The following PALM2AKAP2 variants were observed in gnomAD, a reference collection of about 807,000 sequenced individuals.
PALM2AKAP2 encodes PALM2 and AKAP2 fusion.
Under a neutral mutation model 71.5 loss-of-function variants are expected in PALM2AKAP2, and 37 were observed. The ratio of observed to expected loss-of-function variants is 0.52; its 90% CI spans 0.40 to 0.68. The LOEUF (loss-of-function observed/expected upper bound fraction) is 0.68, where lower values mean the gene tolerates loss of function less well. PALM2AKAP2 is among the 30% of genes least tolerant of loss of function. PALM2AKAP2 has a pLI of 0.00. For missense variants in PALM2AKAP2, 1,224 were observed against 1,191.8 expected (o/e 1.03, Z -0.40); for synonymous variants, 468 against 478.8 (o/e 0.98, Z 0.29).
chr9:109,744,139 A>G (rs1206038568), intron 1 of PALM2AKAP2, among the ~76,000 whole-genome samples: 2 of 152,192 alleles, frequency 1.3e-5, no homozygotes, highest in Non-Finnish European at 2.9e-5. Flanking sequence ...GAAGAACTGA[A>G]TAATGATTGG....
At chr9:109,739,359 G>T (rs1324798717) in intron 1 of PALM2AKAP2, among the ~76,000 whole-genome samples, 1 of 152,122 alleles carries the variant, frequency 6.6e-6, no homozygotes, top group African/African-American at 2.4e-5. Flanking sequence ...GCCATCAATT[G>T]TAAAAAGAAA....
chr9:109,862,604 A>G (rs1180299132), intron 1 of PALM2AKAP2, among the ~76,000 whole-genome samples: 1 of 152,194 alleles, frequency 6.6e-6, no homozygotes, highest in Non-Finnish European at 1.5e-5. Context: ...TTGCAAAGAA[A>G]CGAGGTAGCA....
At chr9:109,810,155 A>T (rs1233048219) in intron 1 of PALM2AKAP2, among the ~76,000 whole-genome samples, 7 of 152,188 alleles carry the variant, frequency 4.6e-5, no homozygotes, top group Non-Finnish European at 1.0e-4. Flanking sequence ...TAGCATGCAG[A>T]TAAATTTAGG....
upstream of PALM2AKAP2, among the ~76,000 whole-genome samples, chr9:109,777,458 C>T (rs540306359): frequency 2.0e-5 from 3 of 152,316 alleles, no homozygotes; most frequent in South Asian, 6.2e-4. Flanking sequence ...TCCACTAGAC[C>T]CTGCTTCCCA....
intron 1 of PALM2AKAP2, among the ~76,000 whole-genome samples, chr9:109,641,658 G>C (rs1345742672): frequency 6.6e-6 from 1 of 152,162 alleles, no homozygotes; most frequent in Non-Finnish European, 1.5e-5. Flanking sequence ...GCGACAGCCA[G>C]CCACTCCAAG....
At chr9:110,091,623 C>T (rs375918767) in intron 1 of PALM2AKAP2, among the ~76,000 whole-genome samples, 9 of 150,902 alleles carry the variant, frequency 6.0e-5, no homozygotes, top group African/African-American at 1.7e-4. Flanking sequence ...CCTCCACACC[C>T]GGCTAATTTT....
intron 1 of PALM2AKAP2, among the ~76,000 whole-genome samples, chr9:109,828,620 G>A (rs1347451263): frequency 2.0e-5 from 3 of 151,498 alleles, no homozygotes; most frequent in African/African-American, 4.9e-5. Flanking sequence ...ATTCTATTGG[G>A]GTAGATCTGT....
intron 3 of PALM2AKAP2, among the ~76,000 whole-genome samples, chr9:109,901,024 C>T (rs1314871038): frequency 3.9e-5 from 6 of 152,144 alleles, no homozygotes; most frequent in Admixed American, 3.9e-4. Flanking sequence ...GGGATATGAA[C>T]TGAATGGTTG....
chr9:109,934,687 T>C (rs1831181517), intron 6 of PALM2AKAP2, among the ~76,000 whole-genome samples: 1 of 152,162 alleles, frequency 6.6e-6, no homozygotes, highest in Admixed American at 6.5e-5. Flanking sequence ...AATGTGGCCT[T>C]TCAGCTTCAG....
intron 1 of PALM2AKAP2, among the ~76,000 whole-genome samples, chr9:110,101,573 A>G (rs7866143): frequency 0.3 from 45,338 of 152,038 alleles, 8,517 homozygotes; most frequent in African/African-American, 0.52. Context: ...CTCCATGGAT[A>G]ACCCAGGCCA....
In PALM2AKAP2 at chr9:110,003,133, A is replaced by G. The variant is rs541179119; in HGVS notation, c.497-12821A>G. On this transcript the variant is annotated intron_variant, in intron 6 of 9. Coordinates refer to the PALM2AKAP2 transcript ENST00000302798. ...TTTTAATTGTGATGTTAGGGTGTCA[A>G]TTTTAGATCTTTCCTGCTTTCTCTT... 8.2e-4 allele frequency among the ~76,000 whole-genome samples: 125 copies of G among 152,028 alleles called. 1 individual carries two copies. The highest frequency in any genetic ancestry group is 2.9e-3 in the African/African-American group (119 of 41,416).
chr9:109,822,896 G>A (rs1444708595), intron 1 of PALM2AKAP2, among the ~76,000 whole-genome samples: 1 of 152,178 alleles, frequency 6.6e-6, no homozygotes, highest in East Asian at 1.9e-4. Flanking sequence ...AAATGGGATT[G>A]CTGGGTCGAA....
At chr9:109,656,504 C>A (rs970625558) in intron 1 of PALM2AKAP2, among the ~76,000 whole-genome samples, 7 of 152,194 alleles carry the variant, frequency 4.6e-5, no homozygotes, top group Non-Finnish European at 8.8e-5. Flanking sequence ...GGCTCTTAAG[C>A]TTCAGTGGGT....
chr9:110,042,002 A>AC (rs1452024482), intron 7 of PALM2AKAP2, among the ~76,000 whole-genome samples: 1 of 152,216 alleles, frequency 6.6e-6, no homozygotes, highest in African/African-American at 2.4e-5. Flanking sequence ...GGAGAGGTCA[A>AC]CCCCTTGGAG....
At chr9:109,928,440 T>C (rs182871212) in intron 5 of PALM2AKAP2, among the ~76,000 whole-genome samples, 1 of 152,294 alleles carries the variant, frequency 6.6e-6, no homozygotes, top group Admixed American at 6.5e-5. Flanking sequence ...GTGGGGAGAA[T>C]AGTGTTAGAC....
chr9:109,689,204 T>C (rs1024497244), intron 1 of PALM2AKAP2, among the ~76,000 whole-genome samples: 5 of 20,442 alleles, frequency 2.4e-4, no homozygotes, highest in East Asian at 7.7e-4. Context: ...TCTTTTCTTT[T>C]TTTTTTTTTT....
chr9:109,925,274 A>G (rs1183990132), intron 5 of PALM2AKAP2, among the ~76,000 whole-genome samples, 192 bp downstream of exon 5: 1 of 152,176 alleles, frequency 6.6e-6, no homozygotes, highest in African/African-American at 2.4e-5. Context: ...TTCAGGAACT[A>G]TCTCTTGGCT....
chr9:109,974,174 A>G (rs891892805), intron 6 of PALM2AKAP2, among the ~76,000 whole-genome samples: 2 of 152,234 alleles, frequency 1.3e-5, no homozygotes, highest in African/African-American at 4.8e-5. Context: ...ACAGAATGTA[A>G]GAGCTGGAGG....
At chr9:109,767,996 C>A (rs879833860) in intron 1 of PALM2AKAP2, among the ~76,000 whole-genome samples, 10,685 of 77,366 alleles carry the variant, frequency 0.14, 1,201 homozygotes, top group African/African-American at 0.3. Context: ...AAGGAGGGAG[C>A]AAAGGCAGGT....
Sources: allele counts gnomAD v4.1 joint callset (sites outside exome capture counted in the v4.1 genomes callset), GRCh38; gene constraint gnomAD v4.1.1; transcripts MANE v1.5; gene names NCBI Gene and HGNC (gene_info 2026-07-23, HGNC 2026-07-21).